MAP3K21: variants seen among roughly 807,000 people sequenced by gnomAD.
MAP3K21 encodes the protein mitogen-activated protein kinase kinase kinase MLK4.
Under a neutral mutation model 86.1 loss-of-function variants are expected in MAP3K21, and 63 were observed. The ratio of observed to expected loss-of-function variants is 0.73; its 90% CI spans 0.60 to 0.90. MAP3K21 has a LOEUF of 0.90. MAP3K21 is among the 40% of genes least tolerant of loss of function. The pLI, the probability that MAP3K21 is intolerant of heterozygous loss-of-function variation, is 0.00. For missense variants in MAP3K21, 1,220 were observed against 1,367.7 expected, an observed-to-expected ratio of 0.89 and a Z score of 1.70; for synonymous variants, 558 against 564.8, an observed-to-expected ratio of 0.99 and a Z score of 0.17.
At chr1:233,369,646 G>A (rs548550433) in intron 5 of MAP3K21, among the ~76,000 whole-genome samples, 5 of 152,256 alleles carry the variant, frequency 3.3e-5, no homozygotes, top group African/African-American at 1.2e-4. Context: ...CAAAGAGGAA[G>A]AAGAATACTT....
chr1:233,351,032 A>AT (rs993673908), intron 2 of MAP3K21, among the ~76,000 whole-genome samples: 10 of 151,812 alleles, frequency 6.6e-5, no homozygotes, highest in Admixed American at 3.9e-4. Context: ...TTATATTGCT[A>AT]TTTTTTTAAG....
At chr1:233,332,949 A>AT (rs1231267156) in intron 1 of MAP3K21, among the ~76,000 whole-genome samples, 2 of 151,872 alleles carry the variant, frequency 1.3e-5, no homozygotes, top group Non-Finnish European at 2.9e-5. Flanking sequence ...TATTATCTCA[A>AT]TTTTTTTAGT....
At chr1:233,346,663 C>T (rs1026674780) in intron 2 of MAP3K21, 41 bp downstream of exon 2, 2 of 1,562,108 alleles carry the variant, frequency 1.3e-6, no homozygotes, top group African/African-American at 2.7e-5. Context: ...AAACTGCTTG[C>T]TATGCTTTAT....
intron 4 of MAP3K21, among the ~76,000 whole-genome samples, chr1:233,357,588 A>C (rs1406139758): frequency 1.3e-5 from 2 of 152,142 alleles, no homozygotes; most frequent in African/African-American, 4.8e-5. Context: ...CACCAATCCC[A>C]CCTGCCCTGT....
Position 233,328,908 on chromosome 1 carries a change from C to A in MAP3K21, c.805+75C>A. The A allele has an allele frequency of 7.9e-7, 1 of 1,272,102 alleles. No homozygotes were observed. The highest frequency in any genetic ancestry group is 2.4e-5 in the South Asian group (1 of 40,848). The allele number at this position is 1,272,102 out of a possible 1,614,324, so 78.8% of individuals were successfully genotyped here. A position where few individuals can be genotyped will look rare whatever the true frequency, so the allele number is the denominator to read the frequency against. ...AGGCGGGCTCCACAGGACATAGTACCAGATGGAAAGAGGTGGGAGTCAGCC... is the reference window on the plus strand; with the variant it reads ...AGGCGGGCTCCACAGGACATAGTACAAGATGGAAAGAGGTGGGAGTCAGCC... On this transcript the variant is annotated intron_variant, in intron 1 of 9. Transcript: ENST00000366624. The surrounding 1 kb of genome is among the most constrained non-coding windows in gnomAD (Gnocchi z 8.7).
At chr1:233,371,812 G>C (rs1381760355) in intron 5 of MAP3K21, among the ~76,000 whole-genome samples, 1 of 147,822 alleles carries the variant, frequency 6.8e-6, no homozygotes, top group Non-Finnish European at 1.5e-5. Flanking sequence ...CAACATATAA[G>C]CTCTGATTCA....
chr1:233,350,701 G>T (rs1663235566), intron 2 of MAP3K21, among the ~76,000 whole-genome samples: 1 of 152,050 alleles, frequency 6.6e-6, no homozygotes, highest in Non-Finnish European at 1.5e-5. Flanking sequence ...AGGTTAAGTA[G>T]CCGAGGCACA....
At chr1:233,347,799 G>A (rs1016151212) in intron 2 of MAP3K21, among the ~76,000 whole-genome samples, 1 of 152,128 alleles carries the variant, frequency 6.6e-6, no homozygotes, top group Non-Finnish European at 1.5e-5. Context: ...GTACCTGGGT[G>A]ACAGGACCAT....
intron 5 of MAP3K21, among the ~76,000 whole-genome samples, chr1:233,366,661 A>G (rs1015424109): frequency 6.6e-6 from 1 of 152,232 alleles, no homozygotes; most frequent in African/African-American, 2.4e-5. Flanking sequence ...AATTTCTCCG[A>G]AACATATTCT....
intron 9 of MAP3K21, among the ~76,000 whole-genome samples, chr1:233,381,468 C>A (rs1663915445): frequency 6.6e-6 from 1 of 152,166 alleles, no homozygotes; most frequent in Non-Finnish European, 1.5e-5. Flanking sequence ...AAAATGCTTT[C>A]TAAATTGTAA....
chr1:233,372,445 T>A (rs1663704443), intron 6 of MAP3K21: 1 of 401,384 alleles, frequency 2.5e-6, no homozygotes, highest in African/African-American at 2.0e-5. Context: ...GTTAAACACT[T>A]GCACGCAACG....
In MAP3K21 at chr1:233,379,542, G is replaced by C. The variant is rs756706460; in HGVS notation, c.2536G>C (p.Gly846Arg). ...TTTTTGTCCCACTGCCCCAGGAAGT[G>C]GTCGTGAGCCAGCCCTCATGCCAAG... ...PDFCPTAPGSGREPALMPRLD... is the reference protein window; with the variant it reads ...PDFCPTAPGSRREPALMPRLD... Residue 846 changes from glycine to arginine, a missense_variant, in exon 9 of 10, where the codon GGT becomes CGT. This residue lies in a region of MAP3K21 where 632 missense variants were observed against 691.3 expected (regional missense o/e 0.91). Transcript: ENST00000366624. 1.2e-6 allele frequency: 2 copies of C among 1,614,192 alleles called. No homozygotes were observed. Among genetic ancestry groups the C allele is most frequent in the East Asian group, 2.2e-5 (1 of 44,870 alleles).
At chr1:233,334,075 C>T (rs181196069) in intron 1 of MAP3K21, among the ~76,000 whole-genome samples, 4 of 151,946 alleles carry the variant, frequency 2.6e-5, no homozygotes, top group South Asian at 4.2e-4. Context: ...CCGTGTTAGC[C>T]AGGATGGTCT....
chr1:233,338,328 AT>A (rs1662954640), intron 1 of MAP3K21, among the ~76,000 whole-genome samples: 1 of 152,242 alleles, frequency 6.6e-6, no homozygotes, highest in South Asian at 2.1e-4. Context: ...ATCATATATT[AT>A]ATGCGGAACT....
At chr1:233,364,616 G>A (rs1177408845) in intron 5 of MAP3K21, among the ~76,000 whole-genome samples, 3 of 152,016 alleles carry the variant, frequency 2.0e-5, no homozygotes, top group Admixed American at 2.0e-4. Context: ...AATGTTCCTT[G>A]GCTAATACCC....
intron 5 of MAP3K21, among the ~76,000 whole-genome samples, chr1:233,364,782 T>G (rs1030940073): frequency 6.6e-6 from 1 of 152,186 alleles, no homozygotes; most frequent in Admixed American, 6.5e-5. Flanking sequence ...AATGAAAGAT[T>G]CCAGTTAAAA....
At position 233,379,380 on chromosome 1, in the gene MAP3K21, TCC is replaced by T. The variant is rs1186925464; in HGVS notation, c.2376_2377del (p.Leu793AlafsTer25). On this transcript the variant is annotated frameshift_variant, in exon 9 of 10. Transcript: ENST00000366624. LOFTEE classifies it high-confidence loss of function. ...CTGTGGGGAGGCCAGCAGCCCACCCTCCCTGCCACTGTCAAGTGCCCTGGGCA... is the reference window on the plus strand; with the variant it reads ...CTGTGGGGAGGCCAGCAGCCCACCCTCTGCCACTGTCAAGTGCCCTGGGCA... Reference protein sequence around the residue: ...STCGEASSPPSLPLSSALGIL... With the variant: ...STCGEASSPPXLPLSSALGIL... 1.9e-6 allele frequency: 3 copies of T among 1,612,294 alleles called. No individual in the cohort carries two copies. Among genetic ancestry groups the T allele is most frequent in the Non-Finnish European group, 2.5e-6 (3 of 1,179,390 alleles).
chr1:233,358,864 CAGT>C (rs1156713388), intron 4 of MAP3K21, among the ~76,000 whole-genome samples: 1 of 152,110 alleles, frequency 6.6e-6, no homozygotes, highest in African/African-American at 2.4e-5. Flanking sequence ...GGTTGCAGTG[CAGT>C]GGTGTGGTCT....
chr1:233,353,575 C>T (rs1663291331), intron 2 of MAP3K21, among the ~76,000 whole-genome samples: 1 of 152,108 alleles, frequency 6.6e-6, no homozygotes, highest in African/African-American at 2.4e-5. Context: ...AGTTTTAATT[C>T]CTAGAATGAA....
Sources: allele counts gnomAD v4.1 joint callset (sites outside exome capture counted in the v4.1 genomes callset), GRCh38; gene constraint gnomAD v4.1.1; regional missense constraint gnomAD v4.1.1; non-coding constraint Gnocchi (gnomAD v3.1); transcripts MANE v1.5; gene names NCBI Gene and HGNC (gene_info 2026-07-23, HGNC 2026-07-21).